DNAH3: variants seen among roughly 807,000 people sequenced by gnomAD.
DNAH3 encodes dynein axonemal heavy chain 3.
In DNAH3, 332 loss-of-function variants were observed where a neutral mutation model predicts 432.5. That is an observed-to-expected ratio of 0.77 (90% CI 0.70 to 0.84). The LOEUF (loss-of-function observed/expected upper bound fraction) is 0.84, where lower values mean the gene tolerates loss of function less well. Among genes scored for constraint, DNAH3 ranks in the 40% least tolerant of loss-of-function variants. DNAH3 has a pLI of 0.00. For missense variants in DNAH3, 4,861 were observed against 5,114.0 expected, an observed-to-expected ratio of 0.95 and a Z score of 1.51; for synonymous variants, 1,956 against 1,900.2, an observed-to-expected ratio of 1.03 and a Z score of -0.76.
chr16:21,091,125 C>T (rs774228268), intron 18 of DNAH3, among the ~76,000 whole-genome samples: 10 of 151,972 alleles, frequency 6.6e-5, no homozygotes, highest in Admixed American at 2.0e-4. Context: ...TGTGGTCCAA[C>T]CTAGGTGGCA....
intron 7 of DNAH3, among the ~76,000 whole-genome samples, chr16:21,131,601 G>A (rs112133045): frequency 0.021 from 3,189 of 152,122 alleles, 58 homozygotes; most frequent in Non-Finnish European, 0.036. Context: ...TGTAATCCCA[G>A]CACTTTGGGA....
In DNAH3 at chr16:21,155,261, T is replaced by C. The variant is rs1429568790; in HGVS notation, c.117+4064A>G. ...ACCATGCCCGGCCTTGTTTCTCAAT[T>C]GGGCTGCCAGACAAAACAGAAGGTG... On this transcript the variant is annotated intron_variant, in intron 1 of 61. Transcript: ENST00000261383. Among the ~76,000 whole-genome samples the C allele has an allele frequency of 5.3e-5, 8 of 152,184 alleles. No individual in the cohort carries two copies. The South Asian group carries it at 1.7e-3, about 32-fold the overall frequency.
In DNAH3 at chr16:21,154,938, TTTTTCTTTCTTTC is replaced by T. The variant is rs1191236213; in HGVS notation, c.117+4374_117+4386del. On this transcript the variant is annotated intron_variant, in intron 1 of 61. Transcript: ENST00000261383. ...ATAGGCTTCAAGTTTCTCAATCTTC[TTTTTCTTTCTTTC>T]TTTTTTTTTTTTTTTTGAGATGGAA... 1.0e-3 allele frequency among the ~76,000 whole-genome samples: 156 copies of T among 150,274 alleles called. 2 individuals are homozygous for T. Among genetic ancestry groups the T allele is most frequent in the South Asian group, 0.01 (48 of 4,726 alleles).
intron 52 of DNAH3, among the ~76,000 whole-genome samples, chr16:20,968,370 G>C (rs776318291): frequency 1.1e-4 from 16 of 152,060 alleles, no homozygotes; most frequent in Non-Finnish European, 1.6e-4. Flanking sequence ...CACCTGGATG[G>C]GATTAGAGCA....
chr16:20,984,032 A>AAAAG, intron 48 of DNAH3, among the ~76,000 whole-genome samples: 3 of 151,148 alleles, frequency 2.0e-5, no homozygotes, highest in African/African-American at 7.3e-5. Flanking sequence ...ATATCCAGAA[A>AAAAG]AAAAAAAAAA....
At chr16:21,138,348 T>C (rs2092672165) in intron 5 of DNAH3, among the ~76,000 whole-genome samples, 1 of 152,106 alleles carries the variant, frequency 6.6e-6, no homozygotes, top group African/African-American at 2.4e-5. Flanking sequence ...CAGGGGAGTA[T>C]TGCAAAGCTT....
Position 20,949,164 on chromosome 16 carries a change from C to T in DNAH3, c.11189-527G>A, listed in dbSNP as rs374211473. On this transcript the variant is annotated intron_variant, in intron 56 of 61. Coordinates refer to ENST00000261383, the Ensembl canonical transcript of DNAH3. ...TGAGTGCAAGTGCCAAAGTCTGTCA[C>T]GCTGACCCACCACTGGGCGGTTAAT... Among the ~76,000 whole-genome samples, 82 of 151,374 alleles carry T rather than the reference C, an allele frequency of 5.4e-4. 2 individuals carry two copies. The South Asian group carries it at 0.014, about 26-fold the overall frequency.
At chr16:20,997,577 C>G in intron 43 of DNAH3, 115 bp from the exon 44 acceptor site, 1 of 1,246,112 alleles carries the variant, frequency 8.0e-7, no homozygotes, top group Non-Finnish European at 1.1e-6. Flanking sequence ...TTTCCATTCC[C>G]CATTCCAGTT....
chr16:21,061,648 G>C (rs2090366011), intron 25 of DNAH3, among the ~76,000 whole-genome samples: 1 of 152,184 alleles, frequency 6.6e-6, no homozygotes, highest in Admixed American at 6.5e-5. Flanking sequence ...TCTGATTCAT[G>C]CATTATTCCA....
At chr16:20,939,887 G>A (rs1422644311) in intron 59 of DNAH3, among the ~76,000 whole-genome samples, 1 of 152,140 alleles carries the variant, frequency 6.6e-6, no homozygotes, top group East Asian at 1.9e-4. Flanking sequence ...TTCCTCATCT[G>A]GCCTAGATGG....
intron 41 of DNAH3, among the ~76,000 whole-genome samples, chr16:21,018,830 G>A (rs980597233): frequency 4.6e-5 from 7 of 152,000 alleles, no homozygotes; most frequent in Non-Finnish European, 1.0e-4. Context: ...GGGAGGCAGT[G>A]GGTGCAGTGA....
At chr16:21,153,335 T>G (rs1409009874) in intron 1 of DNAH3, among the ~76,000 whole-genome samples, 3 of 152,086 alleles carry the variant, frequency 2.0e-5, no homozygotes, top group African/African-American at 7.3e-5. Context: ...ACACTCTGTA[T>G]CTAGCTATTC....
intron 21 of DNAH3, among the ~76,000 whole-genome samples, chr16:21,072,884 G>A (rs1379175188): frequency 2.6e-5 from 4 of 151,220 alleles, no homozygotes; most frequent in Non-Finnish European, 4.4e-5. Flanking sequence ...GGGTGTTGCT[G>A]TGTTACCCAG....
intron 35 of DNAH3, among the ~76,000 whole-genome samples, chr16:21,035,630 T>C (rs549484967): frequency 5.2e-4 from 79 of 152,282 alleles, no homozygotes; most frequent in Middle Eastern, 6.8e-3. Context: ...CTGCGTACGT[T>C]TCGTTCAATT....
intron 34 of DNAH3, among the ~76,000 whole-genome samples, chr16:21,037,074 C>G (rs913192730): frequency 6.6e-6 from 1 of 152,088 alleles, no homozygotes; most frequent in Non-Finnish European, 1.5e-5. Context: ...TTTGGGTGAC[C>G]GAGGTGGGTG....
intron 53 of DNAH3, among the ~76,000 whole-genome samples, chr16:20,960,201 A>G (rs2084755509): frequency 6.6e-6 from 1 of 152,198 alleles, no homozygotes; most frequent in Admixed American, 6.5e-5. Flanking sequence ...ACATGTATAA[A>G]GGCTTTTTTC....
chr16:21,042,554 C>T (rs1177712949), intron 31 of DNAH3, among the ~76,000 whole-genome samples: 1 of 152,060 alleles, frequency 6.6e-6, no homozygotes, highest in Non-Finnish European at 1.5e-5. Flanking sequence ...GAATTATACA[C>T]TCTTTTGTGA....
intron 18 of DNAH3, among the ~76,000 whole-genome samples, chr16:21,095,732 A>C (rs1478630638): frequency 6.6e-6 from 1 of 152,238 alleles, no homozygotes; most frequent in Non-Finnish European, 1.5e-5. Context: ...TTAAAATACA[A>C]TACCTATTTC....
At chr16:21,081,497 G>A in intron 20 of DNAH3, 139 bp downstream of exon 20, 1 of 580,196 alleles carries the variant, frequency 1.7e-6, no homozygotes, top group Non-Finnish European at 3.0e-6. Flanking sequence ...GGTAGCTGCA[G>A]GTAATTAAAT....
Sources: gnomAD v4.1 joint callset for allele counts (sites outside exome capture counted in the v4.1 genomes callset) on GRCh38, gnomAD v4.1.1 for gene constraint, MANE v1.5 for transcripts, NCBI Gene and HGNC (gene_info 2026-07-23, HGNC 2026-07-21) for gene names.